PDZRN3: variants seen among roughly 807,000 people sequenced by gnomAD.
PDZRN3 encodes the protein PDZ domain containing ring finger 3, also known as E3 ubiquitin-protein ligase PDZRN3.
PDZRN3 carries 38 observed loss-of-function variants against 85.7 expected under a neutral mutation model. That is an observed-to-expected ratio of 0.44 (90% CI 0.34 to 0.58). PDZRN3 has a LOEUF of 0.58. Among genes scored for constraint, PDZRN3 ranks in the 20% least tolerant of loss-of-function variants. PDZRN3 has a pLI of 0.01. For synonymous variants in PDZRN3, 759 were observed against 638.0 expected (o/e 1.19, Z -2.86); for missense variants, 1,629 against 1,506.4 (o/e 1.08, Z -1.35).
At chr3:73,469,969 C>T (rs1039887947) in intron 3 of PDZRN3, among the ~76,000 whole-genome samples, 5 of 152,166 alleles carry the variant, frequency 3.3e-5, no homozygotes, top group Non-Finnish European at 7.3e-5. Context: ...GGATGTCTAG[C>T]AGCATCCCTG....
At chr3:73,455,251 G>T (rs1363408462) in intron 3 of PDZRN3, among the ~76,000 whole-genome samples, 1 of 152,152 alleles carries the variant, frequency 6.6e-6, no homozygotes, top group Non-Finnish European at 1.5e-5. Context: ...ACTTTACAAG[G>T]TAAGAACTCT....
At chr3:73,623,962 G>T in intron 1 of PDZRN3, 141 bp downstream of exon 1, 2 of 822,038 alleles carry the variant, frequency 2.4e-6, no homozygotes, top group Non-Finnish European at 3.5e-6. Flanking sequence ...TAGTGATACA[G>T]CTGGTAAGCA....
chr3:73,401,208 C>T, intron 4 of PDZRN3, 199 bp from the exon 5 acceptor site: 1 of 519,566 alleles, frequency 1.9e-6, no homozygotes, highest in Non-Finnish European at 3.5e-6. Flanking sequence ...TAGTACATTT[C>T]CTCCTGAAGG....
At chr3:73,569,005 GGT>G (rs1702000127) in intron 3 of PDZRN3, 1 of 404,698 alleles carries the variant, frequency 2.5e-6, no homozygotes, top group Admixed American at 3.0e-5. Flanking sequence ...TCTCTCAGGA[GGT>G]AGGTATCATT....
intron 3 of PDZRN3, among the ~76,000 whole-genome samples, chr3:73,503,900 T>C (rs1704025301): frequency 6.6e-6 from 1 of 152,176 alleles, no homozygotes; most frequent in Non-Finnish European, 1.5e-5. Flanking sequence ...GGGGAGAGCC[T>C]AAACAGATGT....
chr3:73,539,813 T>C (rs1205052291), intron 3 of PDZRN3, among the ~76,000 whole-genome samples: 2 of 152,084 alleles, frequency 1.3e-5, no homozygotes, highest in Non-Finnish European at 2.9e-5. Context: ...AGACTTAGTA[T>C]TTATTCCTGC....
intron 6 of PDZRN3, among the ~76,000 whole-genome samples, chr3:73,390,654 T>TGTGTGTGTGA (rs36036904): frequency 0.53 from 73,691 of 139,554 alleles, 19,483 homozygotes; most frequent in East Asian, 0.78. Flanking sequence ...TGTGTGTGTG[T>TGTGTGTGTGA]GAGAGAGAGA....
chr3:73,409,281 A>G (rs1405835719), intron 3 of PDZRN3, among the ~76,000 whole-genome samples: 1 of 152,194 alleles, frequency 6.6e-6, no homozygotes, highest in Non-Finnish European at 1.5e-5. Context: ...GAGGGCATGG[A>G]ACCATTCCTT....
intron 3 of PDZRN3, among the ~76,000 whole-genome samples, chr3:73,409,589 T>A (rs1368295075): frequency 6.6e-6 from 1 of 152,134 alleles, no homozygotes; most frequent in African/African-American, 2.4e-5. Flanking sequence ...AATGGAAAGA[T>A]GAATGCATTA....
At chr3:73,606,927 T>C (rs751079559) in intron 2 of PDZRN3, among the ~76,000 whole-genome samples, 12 of 152,202 alleles carry the variant, frequency 7.9e-5, no homozygotes, top group Non-Finnish European at 1.6e-4. Context: ...ACTCCCGCCC[T>C]AGGTAATTTA....
At chr3:73,405,506 TG>T (rs1256674045) in intron 3 of PDZRN3, among the ~76,000 whole-genome samples, 1 of 152,142 alleles carries the variant, frequency 6.6e-6, no homozygotes, top group Non-Finnish European at 1.5e-5. Flanking sequence ...ATTCCTCAAG[TG>T]GTTTGGTTGG....
chr3:73,396,559 C>A (rs1262289173), intron 5 of PDZRN3, among the ~76,000 whole-genome samples: 1 of 152,182 alleles, frequency 6.6e-6, no homozygotes, highest in Non-Finnish European at 1.5e-5. Flanking sequence ...CAGGTCAATC[C>A]TGGTTCCCTT....
At position 73,384,553 on chromosome 3, in the gene PDZRN3, C is replaced by T; in HGVS notation, c.2013G>A (p.Leu671=). The T allele has an allele frequency of 6.2e-7, 1 of 1,613,686 alleles. No homozygotes were observed. The highest frequency in any genetic ancestry group is 8.5e-7 in the Non-Finnish European group (1 of 1,180,030). ...PYGLYYPSGP[L]DAGKSDPESV... is the part of the protein sequence containing the mutation. ...TCTCAGGGTCACTCTTGCCGGCGTC[C>T]AGGGGGCCGCTAGGGTAGTACAGGC... The change falls in exon 10 of 10, where the codon CTG becomes CTA. Residue 671 remains leucine (L), a synonymous_variant. Coordinates refer to ENST00000263666, the MANE Select transcript of PDZRN3 (RefSeq NM_015009.3).
At chr3:73,557,228 C>A (rs1473754644) in intron 3 of PDZRN3, among the ~76,000 whole-genome samples, 3 of 152,132 alleles carry the variant, frequency 2.0e-5, no homozygotes, top group African/African-American at 4.8e-5. Flanking sequence ...AGCTGGAGTT[C>A]CTGAACTCAA....
intron 3 of PDZRN3, among the ~76,000 whole-genome samples, chr3:73,444,888 C>G (rs1702718021): frequency 6.6e-6 from 1 of 152,176 alleles, no homozygotes. Context: ...TGAGGAAACG[C>G]AGAAAGAGCT....
At chr3:73,516,961 G>A (rs1704267258) in intron 3 of PDZRN3, among the ~76,000 whole-genome samples, 1 of 152,134 alleles carries the variant, frequency 6.6e-6, no homozygotes, top group Non-Finnish European at 1.5e-5. Flanking sequence ...TGCTGTGCTC[G>A]GTTATCACAG....
intron 3 of PDZRN3, among the ~76,000 whole-genome samples, chr3:73,540,519 G>A (rs916751530): frequency 2.0e-5 from 3 of 152,122 alleles, no homozygotes; most frequent in Non-Finnish European, 4.4e-5. Context: ...CTCAGTAGGC[G>A]GTAATTGAAT....
chr3:73,593,080 G>A (rs1702382423), intron 3 of PDZRN3, among the ~76,000 whole-genome samples: 4 of 140,286 alleles, frequency 2.9e-5, no homozygotes, highest in African/African-American at 1.0e-4. Flanking sequence ...CAGATGAAAA[G>A]ACAAAAACTT....
chr3:73,465,089 G>T (rs114353019), intron 3 of PDZRN3, among the ~76,000 whole-genome samples: 50 of 152,294 alleles, frequency 3.3e-4, no homozygotes, highest in African/African-American at 1.2e-3. Flanking sequence ...TTGCTTATCT[G>T]TAATAAAATG....
Sources: gnomAD v4.1 joint callset for allele counts (sites outside exome capture counted in the v4.1 genomes callset) on GRCh38, gnomAD v4.1.1 for gene constraint, MANE v1.5 for transcripts, NCBI Gene and HGNC (gene_info 2026-07-23, HGNC 2026-07-21) for gene names.